The following LRP1 variants were observed in gnomAD, a reference collection of about 807,000 sequenced individuals.
LRP1 encodes LDL receptor related protein 1, also known as prolow-density lipoprotein receptor-related protein 1.
A neutral mutation model predicts 541.5 loss-of-function variants in LRP1; 51 were observed. That is an observed-to-expected ratio of 0.09 (90% CI 0.08 to 0.12). The LOEUF is 0.12. Among genes scored for constraint, LRP1 ranks in the 10% least tolerant of loss-of-function variants. The pLI is 1.00. For synonymous variants in LRP1, 2,219 were observed against 2,470.8 expected (o/e 0.90, Z 3.02); for missense variants, 3,878 against 6,376.2 (o/e 0.61, Z 13.34).
rs774878420 is a variant in LRP1, at chr12:57,178,459, G to C, written c.4462G>C (p.Gly1488Arg). The change falls in exon 27 of 89, where the codon GGG becomes CGG. Residue 1488 changes from glycine (G) to arginine (R), a missense_variant. Transcript: ENST00000243077. The surrounding 1 kb of genome is among the most constrained non-coding windows in gnomAD (Gnocchi z 5.8). ...GCACCCGTTTGCAGTGACGCTGTAC[G>C]GGGGGGAGGTCTACTGGACTGACTG... is the stretch of plus-strand genomic sequence containing the variant. ...LSHPFAVTLYGGEVYWTDWRT... is the reference protein window; with the variant it reads ...LSHPFAVTLYRGEVYWTDWRT... 6.2e-7 allele frequency: 1 copy of C among 1,614,122 alleles called. No homozygotes were observed. The highest frequency in any genetic ancestry group is 8.5e-7 in the Non-Finnish European group (1 of 1,179,962).
At position 57,211,428 on chromosome 12, in the gene LRP1, T is replaced by G. The variant is rs2036913096; in HGVS notation, c.13092-59T>G. ...TAGCCCTGCCCTGCCCCTCCCTTCC[T>G]CAGCATCCCAGGCACGCCTCTGCCA... On this transcript the variant is annotated intron_variant, in intron 84 of 88. Coordinates refer to ENST00000243077, the MANE Select transcript of LRP1 (RefSeq NM_002332.3). This position sits in a 1 kb window ranked among gnomAD's most constrained non-coding sequence, Gnocchi z 4.3. 2 of 1,609,136 alleles carry G rather than the reference T, an allele frequency of 1.2e-6. No individual in the cohort carries two copies. Among genetic ancestry groups the G allele is most frequent in the South Asian group, 1.1e-5 (1 of 91,000 alleles).
At position 57,145,207 on chromosome 12, in the gene LRP1, C is replaced by T. The variant is rs1196608725; in HGVS notation, c.578-20C>T. ...TCCTAGAGCCCTGGCTGCACGGACTCTTCTCTTCCCCATTCCCAGAGCCAG... is the reference window on the plus strand; with the variant it reads ...TCCTAGAGCCCTGGCTGCACGGACTTTTCTCTTCCCCATTCCCAGAGCCAG... On this transcript the variant is annotated intron_variant, in intron 5 of 88. Coordinates refer to ENST00000243077, the MANE Select transcript of LRP1 (RefSeq NM_002332.3). 3.7e-6 allele frequency: 6 copies of T among 1,613,966 alleles called. No homozygotes were observed. The highest frequency in any genetic ancestry group is 5.1e-6 in the Non-Finnish European group (6 of 1,179,892).
intron 1 of LRP1, chr12:57,132,226 C>G (rs1263096262): frequency 6.6e-6 from 1 of 152,320 alleles, no homozygotes; most frequent in East Asian, 1.9e-4. Context: ...TGGAGTGTTT[C>G]CGGTGCAATG....
At chr12:57,141,648 A>G in intron 3 of LRP1, 137 bp downstream of exon 3, 1 of 1,180,362 alleles carries the variant, frequency 8.5e-7, no homozygotes, top group Non-Finnish European at 1.2e-6. Flanking sequence ...TTCAGAGAGC[A>G]GATGAAATTG....
At chr12:57,191,843 CACACACCACACACCACAT>C (rs2036394744) in intron 44 of LRP1, among the ~76,000 whole-genome samples, 1 of 56,768 alleles carries the variant, frequency 1.8e-5, no homozygotes, top group Non-Finnish European at 3.3e-5. Context: ...ACATACCACA[CACACACCACACACCACAT>C]ACACACCACA....
Position 57,207,400 on chromosome 12 carries a change from T to C in LRP1, c.11860-638T>C, listed in dbSNP as rs530792736. ...CTGTAATCCCAGCTACTCAGGAGGC[T>C]GAAGCAGGAGAATCCTTTGAACCCA... On this transcript the variant is annotated intron_variant, in intron 76 of 88. Transcript: ENST00000243077. Among the ~76,000 whole-genome samples the C allele has an allele frequency of 1.8e-4, 28 of 151,670 alleles. No individual in the cohort carries two copies. The East Asian group carries it at 2.9e-3, about 16-fold the overall frequency.
At chr12:57,194,939 T>C (rs1422488154) in intron 50 of LRP1, 46 bp from the exon 51 acceptor site, 2 of 1,490,562 alleles carry the variant, frequency 1.3e-6, no homozygotes, top group Non-Finnish European at 1.9e-6. Context: ...CCCAGGTGGG[T>C]GACCCCCACC....
At chr12:57,207,271 TAAATAA>T (rs1167351464) in intron 76 of LRP1, among the ~76,000 whole-genome samples, 1 of 136,492 alleles carries the variant, frequency 7.3e-6, no homozygotes, top group Non-Finnish European at 1.5e-5. Context: ...AATAAATAAA[TAAATAA>T]ATAAATAGAG....
chr12:57,203,149 C>T (rs765791206), intron 68 of LRP1, 32 bp from the exon 69 acceptor site: 8 of 1,483,068 alleles, frequency 5.4e-6, no homozygotes, highest in South Asian at 1.2e-5. Flanking sequence ...TGTGCCCACC[C>T]TCCTGGGCCT....
In LRP1 at chr12:57,184,751, C is replaced by G. The variant is rs1420643103; in HGVS notation, c.6187-88C>G. On this transcript the variant is annotated intron_variant, in intron 38 of 88. Transcript: ENST00000243077. This position sits in a 1 kb window ranked among gnomAD's most constrained non-coding sequence, Gnocchi z 7.8. ...AGGGGAGGCTGAACTGAGGGCCTCA[C>G]TCTGGCCCAGGCACTCCCTGCTGCC... 7.0e-7 allele frequency: 1 copy of G among 1,431,532 alleles called. No individual in the cohort carries two copies. Among genetic ancestry groups the G allele is most frequent in the Non-Finnish European group, 9.5e-7 (1 of 1,048,858 alleles). The allele number at this position is 1,431,532 out of a possible 1,614,324, so 88.7% of individuals were successfully genotyped here.
At position 57,166,933 on chromosome 12, in the gene LRP1, G is replaced by A. The variant is rs759947950; in HGVS notation, c.2801G>A (p.Arg934His). The change falls in exon 18 of 89, where the codon CGC becomes CAC. Residue 934 changes from arginine (R) to histidine (H), a missense_variant. Physicochemically the swap from Arg to His is conservative, Grantham distance 29. Transcript: ENST00000243077. ...CACACCCATCCCTGCCCCCCAGCCC[G>A]CACCTGCCCCCCCAACCAGTTCTCC... ...EDESNATCSA[R>H]TCPPNQFSCA... 7.5e-6 allele frequency: 12 copies of A among 1,599,410 alleles called. No individual in the cohort carries two copies. Among genetic ancestry groups the A allele is most frequent in the South Asian group, 3.3e-5 (3 of 90,668 alleles).
chr12:57,157,440 G>A (rs1260610282), intron 10 of LRP1, among the ~76,000 whole-genome samples: 5 of 152,096 alleles, frequency 3.3e-5, no homozygotes, highest in Admixed American at 6.5e-5. Context: ...GTGAAACCCC[G>A]TCTCTACTGA....
chr12:57,194,167 G>A (rs780199292), intron 48 of LRP1, among the ~76,000 whole-genome samples, 155 bp downstream of exon 48: 13 of 152,138 alleles, frequency 8.5e-5, no homozygotes, highest in African/African-American at 2.4e-4. Flanking sequence ...TCCCCATCCC[G>A]CTCCTGCTCC....
At position 57,204,575 on chromosome 12, in the gene LRP1, C is replaced by T. The variant is rs375819350; in HGVS notation, c.11071+46C>T. 1.4e-5 allele frequency: 22 copies of T among 1,608,242 alleles called. No homozygotes were observed. The highest frequency in any genetic ancestry group is 1.8e-5 in the Non-Finnish European group (21 of 1,175,650). Reference sequence around the variant, plus strand: ...CCCAGGCTTCCCAGTGGCCAGCAACCACCCCCACTCCCAAGACTAATTCTG... The same window carrying T: ...CCCAGGCTTCCCAGTGGCCAGCAACTACCCCCACTCCCAAGACTAATTCTG... On this transcript the variant is annotated intron_variant, in intron 71 of 88. Transcript: ENST00000243077. This position sits in a 1 kb window ranked among gnomAD's most constrained non-coding sequence, Gnocchi z 5.3.
At chr12:57,190,109 G>A (rs552098967) in intron 42 of LRP1, among the ~76,000 whole-genome samples, 8 of 152,230 alleles carry the variant, frequency 5.3e-5, no homozygotes, top group Middle Eastern at 3.4e-3. Context: ...GAGCCGTTAC[G>A]AGGCAGAACG....
In LRP1 at chr12:57,178,798, G is replaced by T; in HGVS notation, c.4607-92G>T. On this transcript the variant is annotated intron_variant, in intron 27 of 88. Transcript: ENST00000243077. This position sits in a 1 kb window ranked among gnomAD's most constrained non-coding sequence, Gnocchi z 5.8. ...TAGTAGTAGCGGCTGCTGGAACAGG[G>T]GGAGGAGAGTGGGCGAGGAAGGGGT... 1 of 1,533,464 alleles carries T rather than the reference G, an allele frequency of 6.5e-7. No individual in the cohort carries two copies. The highest frequency in any genetic ancestry group is 1.2e-5 in the South Asian group (1 of 80,306). The allele number at this position is 1,533,464 out of a possible 1,614,324, so 95.0% of individuals were successfully genotyped here. A position where few individuals can be genotyped will look rare whatever the true frequency, so the allele number is the denominator to read the frequency against.
Position 57,211,110 on chromosome 12 carries a change from G to A in LRP1, c.12917-66G>A. ...AAGATTATGCAAACAGAAAAGCTCT[G>A]TTCAACCTATGGAGAGCCCTCATGA... On this transcript the variant is annotated intron_variant, in intron 83 of 88. Coordinates refer to ENST00000243077, the MANE Select transcript of LRP1 (RefSeq NM_002332.3). This position sits in a 1 kb window ranked among gnomAD's most constrained non-coding sequence, Gnocchi z 4.3. The A allele has an allele frequency of 6.4e-7, 1 of 1,555,950 alleles. No individual in the cohort carries two copies. The highest frequency in any genetic ancestry group is 1.1e-5 in the South Asian group (1 of 87,382).
Position 57,201,659 on chromosome 12 carries a change from G to A in LRP1, c.10468+40G>A, listed in dbSNP as rs371165939. 6.2e-6 allele frequency: 10 copies of A among 1,602,758 alleles called. No homozygotes were observed. The African/African-American group carries it at 8.0e-5, about 13-fold the overall frequency. On this transcript the variant is annotated intron_variant, in intron 66 of 88. Transcript: ENST00000243077. This position sits in a 1 kb window ranked among gnomAD's most constrained non-coding sequence, Gnocchi z 6.4. ...CTGGAGCCCAGCTTCCCTCCCCAGT[G>A]TCTGCTGCTCACACCACCCCGACGT...
intron 2 of LRP1, among the ~76,000 whole-genome samples, chr12:57,139,309 G>A (rs2035239129): frequency 6.6e-6 from 1 of 151,998 alleles, no homozygotes; most frequent in Non-Finnish European, 1.5e-5. Flanking sequence ...AGTCCCATCT[G>A]GTGTCCTGTC....
Sources: allele counts gnomAD v4.1 joint callset (sites outside exome capture counted in the v4.1 genomes callset), GRCh38; gene constraint gnomAD v4.1.1; non-coding constraint Gnocchi (gnomAD v3.1); transcripts MANE v1.5; gene names NCBI Gene and HGNC (gene_info 2026-07-23, HGNC 2026-07-21).